KATNAL2: variants seen among roughly 807,000 people sequenced by gnomAD.
KATNAL2 encodes the protein katanin catalytic subunit A1 like 2, also known as katanin p60 ATPase-containing subunit A-like 2.
KATNAL2 carries 52 observed loss-of-function variants against 76.3 expected under a neutral mutation model. That is an observed-to-expected ratio of 0.68 (90% CI 0.55 to 0.86). KATNAL2 has a LOEUF of 0.86. Among genes scored for constraint, KATNAL2 ranks in the 40% least tolerant of loss-of-function variants. KATNAL2 has a pLI of 0.00. For synonymous variants in KATNAL2, 243 were observed against 244.2 expected (o/e 1.00, Z 0.05); for missense variants, 660 against 668.9 (o/e 0.99, Z 0.15).
intron 4 of KATNAL2, 26 bp downstream of exon 4, chr18:47,046,553 G>GAGAA: frequency 7.0e-7 from 1 of 1,421,868 alleles, no homozygotes; most frequent in Non-Finnish European, 9.6e-7. Context: ...AACATTTATA[G>GAGAA]AGATGATTCC....
In KATNAL2 at chr18:47,101,419, G is replaced by C. The variant is rs148182983; in HGVS notation, c.*414G>C. On this transcript the variant is annotated 3_prime_UTR_variant, in exon 18 of 18. Coordinates refer to ENST00000683218, the MANE Select transcript of KATNAL2 (RefSeq NM_001387690.1). ...GTAGAAGCTAAGCTTGACAGGCACT[G>C]CCCAGCTGACAGTCCCAGGGTGAAG... The C allele has an allele frequency of 2.7e-5, 5 of 186,774 alleles. No homozygotes were observed. In the East Asian group the frequency reaches 6.4e-4, roughly 24 times the overall value. The allele number at this position is 186,774 out of a possible 1,614,324, so 11.6% of individuals were successfully genotyped here.
In KATNAL2 at chr18:47,077,142, ATCATTATAT is replaced by A. The variant is rs1314774467; in HGVS notation, c.1101-203_1101-195del. Among the ~76,000 whole-genome samples the A allele has an allele frequency of 3.3e-5, 5 of 152,158 alleles. No homozygotes were observed. In the East Asian group the frequency reaches 7.7e-4, roughly 23 times the overall value. ...TGCCTTTGGTTTTCTTTCAAATACCATCATTATATTCATTTACTTGCTTTCTATCATACT... is the reference window on the plus strand; with the variant it reads ...TGCCTTTGGTTTTCTTTCAAATACCATCATTTACTTGCTTTCTATCATACT... On this transcript the variant is annotated intron_variant, in intron 14 of 17. Transcript: ENST00000683218.
At chr18:46,949,267 T>C (rs1345632234) in intron 3 of KATNAL2, among the ~76,000 whole-genome samples, 1 of 152,000 alleles carries the variant, frequency 6.6e-6, no homozygotes, top group African/African-American at 2.4e-5. Context: ...CCTTCTTCTT[T>C]TCTTCAACAG....
chr18:46,944,395 T>C (rs913543922), intron 1 of KATNAL2, among the ~76,000 whole-genome samples: 1 of 152,218 alleles, frequency 6.6e-6, no homozygotes, highest in Non-Finnish European at 1.5e-5. Flanking sequence ...ACACAGAGTT[T>C]ACATTGTATT....
In KATNAL2 at chr18:47,081,455, C is replaced by T. The variant is rs145076911; in HGVS notation, c.1211+3994C>T. ...AAAAATTAGTGTGATATTGTAGTTT[C>T]TTTTTTCATACTAAATTGGAAAAAT... On this transcript the variant is annotated intron_variant, in intron 15 of 17. Coordinates refer to ENST00000683218, the MANE Select transcript of KATNAL2 (RefSeq NM_001387690.1). 2.0e-3 allele frequency among the ~76,000 whole-genome samples: 299 copies of T among 152,146 alleles called. 1 individual carries two copies. The highest frequency in any genetic ancestry group is 6.7e-3 in the African/African-American group (280 of 41,492).
At chr18:47,034,207 G>T (rs1238530028) in intron 3 of KATNAL2, 1 of 1,613,850 alleles carries the variant, frequency 6.2e-7, no homozygotes, top group African/African-American at 1.3e-5. Context: ...CAAATGAGCA[G>T]TCGGTGGCTT....
chr18:46,918,837 C>T (rs1266231263), intron 1 of KATNAL2, among the ~76,000 whole-genome samples: 1 of 152,100 alleles, frequency 6.6e-6, no homozygotes, highest in Non-Finnish European at 1.5e-5. Flanking sequence ...AGTGTCACTT[C>T]CTCAGGAAGA....
rs535374597 is a variant in KATNAL2, at chr18:47,099,305, G to C, written c.1274G>C (p.Arg425Pro). ...AGGATTCTGGTCGATCTCCCCAGCC[G>C]GGAGGCCAGGCAGGCCATGATCTAC... ...EKRILVDLPS[R>P]EARQAMIYHW... The change falls in exon 16 of 18, where the codon CGG (arginine) becomes CCG (proline). Residue 425 changes from arginine to proline, a missense_variant. Transcript: ENST00000683218. The C allele has an allele frequency of 5.0e-6, 8 of 1,614,040 alleles. No homozygotes were observed. Among genetic ancestry groups the C allele is most frequent in the Non-Finnish European group, 6.8e-6 (8 of 1,180,010 alleles).
intron 3 of KATNAL2, among the ~76,000 whole-genome samples, chr18:46,956,003 G>T (rs971663707): frequency 1.3e-5 from 2 of 152,128 alleles, no homozygotes; most frequent in African/African-American, 2.4e-5. Context: ...TGCAGAGGTT[G>T]GTTTCAGAGA....
At chr18:47,050,593 G>A (rs1401355502) in intron 4 of KATNAL2, among the ~76,000 whole-genome samples, 2 of 152,148 alleles carry the variant, frequency 1.3e-5, no homozygotes, top group East Asian at 1.9e-4. Flanking sequence ...TCTTTGTATC[G>A]TGAATCAATG....
intron 1 of KATNAL2, among the ~76,000 whole-genome samples, chr18:46,919,801 T>A (rs1464695236): frequency 6.6e-6 from 1 of 152,216 alleles, no homozygotes; most frequent in Non-Finnish European, 1.5e-5. Flanking sequence ...TAAATCTGTC[T>A]CTCCACCATT....
At chr18:47,089,925 A>G (rs957252506) in intron 15 of KATNAL2, among the ~76,000 whole-genome samples, 7 of 152,076 alleles carry the variant, frequency 4.6e-5, no homozygotes, top group Non-Finnish European at 1.0e-4. Flanking sequence ...AAAAAAATCT[A>G]TTTTGAGATT....
At chr18:47,082,363 A>G (rs951502418) in intron 15 of KATNAL2, among the ~76,000 whole-genome samples, 7 of 152,188 alleles carry the variant, frequency 4.6e-5, no homozygotes. Context: ...AGACATTGCC[A>G]TATGTTTCCT....
intron 3 of KATNAL2, chr18:47,034,458 T>C: frequency 6.2e-7 from 1 of 1,614,182 alleles, no homozygotes; most frequent in East Asian, 2.2e-5. Flanking sequence ...CCCTGGCACT[T>C]GCCCAGGAGG....
chr18:47,099,956 T>C (rs2063398795), intron 16 of KATNAL2, among the ~76,000 whole-genome samples: 1 of 152,174 alleles, frequency 6.6e-6, no homozygotes, highest in East Asian at 1.9e-4. Context: ...TGACCATCCT[T>C]GGATTTGAGC....
chr18:46,920,058 C>A (rs1439871891), intron 1 of KATNAL2: 1 of 1,289,412 alleles, frequency 7.8e-7, no homozygotes, highest in African/African-American at 1.5e-5. Flanking sequence ...CTGAAACTTA[C>A]GTGCAGTGTT....
intron 3 of KATNAL2, among the ~76,000 whole-genome samples, chr18:46,957,631 C>T (rs2059804371): frequency 1.4e-5 from 2 of 140,516 alleles, no homozygotes; most frequent in Admixed American, 7.6e-5. Flanking sequence ...GGCACGATCT[C>T]GGCTCACTGA....
At chr18:47,061,059 C>T (rs1448420220) in intron 8 of KATNAL2, among the ~76,000 whole-genome samples, 1 of 152,214 alleles carries the variant, frequency 6.6e-6, no homozygotes, top group African/African-American at 2.4e-5. Context: ...TCCTCAAAGG[C>T]ACAATGTAGA....
intron 15 of KATNAL2, among the ~76,000 whole-genome samples, chr18:47,078,957 G>A (rs562310294): frequency 5.9e-5 from 9 of 152,102 alleles, no homozygotes; most frequent in African/African-American, 1.4e-4. Context: ...TCATTACAAC[G>A]TGCCTTAGAA....
Sources: gnomAD v4.1 joint callset for allele counts (sites outside exome capture counted in the v4.1 genomes callset) on GRCh38, gnomAD v4.1.1 for gene constraint, MANE v1.5 for transcripts, NCBI Gene and HGNC (gene_info 2026-07-23, HGNC 2026-07-21) for gene names.